Variants in LSAMP observed in about 807,000 individuals in gnomAD.
LSAMP encodes the protein limbic system-associated membrane protein.
Under a neutral mutation model 38.6 loss-of-function variants are expected in LSAMP, and 7 were observed. That is an observed-to-expected ratio of 0.18 (90% CI 0.10 to 0.34). The LOEUF is 0.34. Ranked by LOEUF, LSAMP falls within the 10% of genes least tolerant of loss-of-function variation. The pLI is 1.00. For synonymous variants in LSAMP, 154 were observed against 166.8 expected (o/e 0.92, Z 0.59); for missense variants, 313 against 420.0 (o/e 0.75, Z 2.23).
intron 1 of LSAMP, among the ~76,000 whole-genome samples, chr3:116,198,358 G>A (rs939619961): frequency 2.0e-5 from 3 of 152,186 alleles, no homozygotes; most frequent in Non-Finnish European, 4.4e-5. Flanking sequence ...ACAGTTTCAA[G>A]TGTTAGTGAG....
intron 1 of LSAMP, among the ~76,000 whole-genome samples, chr3:116,301,922 G>A (rs531012652): frequency 1.3e-5 from 2 of 152,278 alleles, no homozygotes; most frequent in East Asian, 3.9e-4. Flanking sequence ...CAGCTGTGTG[G>A]ACGTGGTAAA....
At chr3:116,307,231 A>G (rs902151152) in intron 1 of LSAMP, among the ~76,000 whole-genome samples, 1 of 152,044 alleles carries the variant, frequency 6.6e-6, no homozygotes, top group African/African-American at 2.4e-5. Context: ...AAATGGACAG[A>G]ACACTATAAT....
chr3:116,066,284 A>C (rs1198364101), intron 2 of LSAMP, among the ~76,000 whole-genome samples: 2 of 152,186 alleles, frequency 1.3e-5, no homozygotes, highest in Non-Finnish European at 2.9e-5. Context: ...ACATTTCCAA[A>C]TAGTATCACA....
chr3:115,882,805 A>G (rs1306832815), intron 3 of LSAMP, among the ~76,000 whole-genome samples: 1 of 151,964 alleles, frequency 6.6e-6, no homozygotes, highest in Admixed American at 6.6e-5. Context: ...TTGGACTCCT[A>G]TACCTGTTTT....
chr3:116,191,554 C>G (rs750249996), intron 1 of LSAMP, among the ~76,000 whole-genome samples: 6 of 151,942 alleles, frequency 3.9e-5, no homozygotes, highest in Non-Finnish European at 5.9e-5. Flanking sequence ...GCTGAGGATT[C>G]CAGTCAACTT....
intron 1 of LSAMP, among the ~76,000 whole-genome samples, chr3:116,416,137 G>C (rs1050681901): frequency 5.9e-5 from 9 of 152,056 alleles, no homozygotes; most frequent in Non-Finnish European, 1.2e-4. Context: ...AAATGGTTCC[G>C]GGCCATTTGC....
intron 3 of LSAMP, among the ~76,000 whole-genome samples, chr3:115,887,897 T>C (rs1936496065): frequency 6.6e-6 from 1 of 151,930 alleles, no homozygotes; most frequent in African/African-American, 2.4e-5. Flanking sequence ...TTGATATGTC[T>C]GAAGTAATAT....
At chr3:116,209,738 T>A (rs1216448101) in intron 1 of LSAMP, among the ~76,000 whole-genome samples, 2 of 151,926 alleles carry the variant, frequency 1.3e-5, no homozygotes, top group African/African-American at 2.4e-5. Flanking sequence ...TTGGGATTTA[T>A]TTATTATTTA....
intron 1 of LSAMP, among the ~76,000 whole-genome samples, chr3:116,089,392 C>T (rs1708067484): frequency 6.6e-6 from 1 of 152,118 alleles, no homozygotes; most frequent in South Asian, 2.1e-4. Flanking sequence ...GAGTCTCGCT[C>T]CGTCGCCCAG....
chr3:116,443,320 A>T (rs1212132101), intron 1 of LSAMP, among the ~76,000 whole-genome samples: 1 of 152,226 alleles, frequency 6.6e-6, no homozygotes, highest in Non-Finnish European at 1.5e-5. Flanking sequence ...GCAGGTTTAT[A>T]AGGCTGAAGA....
At chr3:115,928,403 T>A (rs1937524894) in intron 3 of LSAMP, among the ~76,000 whole-genome samples, 1 of 152,226 alleles carries the variant, frequency 6.6e-6, no homozygotes, top group South Asian at 2.1e-4. Context: ...ACAATGTGGA[T>A]ATGAAGAGAA....
At chr3:116,221,150 C>CAGAAAAA (rs537952028) in intron 1 of LSAMP, among the ~76,000 whole-genome samples, 2 of 53,184 alleles carry the variant, frequency 3.8e-5, no homozygotes, top group Non-Finnish European at 6.4e-5. Flanking sequence ...GACTCTGTCT[C>CAGAAAAA]AAAAAAAAAA....
At position 116,103,365 on chromosome 3, in the gene LSAMP, T is replaced by C. The variant is rs1708389352; in HGVS notation, c.156-16809A>G. On this transcript the variant is annotated intron_variant, in intron 1 of 6. Coordinates refer to ENST00000490035, the MANE Select transcript of LSAMP (RefSeq NM_002338.5). ...GATTATAGTCCCTGATACTTAGAGATTGAGATACAGAATCGCTTGAACCTG... is the reference window on the plus strand; with the variant it reads ...GATTATAGTCCCTGATACTTAGAGACTGAGATACAGAATCGCTTGAACCTG... 2.0e-5 allele frequency among the ~76,000 whole-genome samples: 3 copies of C among 150,328 alleles called. No individual in the cohort carries two copies. In the Admixed American group the frequency reaches 2.0e-4, roughly 10 times the overall value.
chr3:116,175,449 C>T (rs568728060), intron 1 of LSAMP, among the ~76,000 whole-genome samples: 4 of 152,054 alleles, frequency 2.6e-5, no homozygotes, highest in African/African-American at 4.8e-5. Flanking sequence ...TAACTATAGT[C>T]GTCCTACAAT....
intron 3 of LSAMP, among the ~76,000 whole-genome samples, chr3:115,880,365 A>AT (rs1340943393): frequency 1.5e-4 from 23 of 152,060 alleles, no homozygotes; most frequent in African/African-American, 5.3e-4. Context: ...ATATTGTTCC[A>AT]TTTTTCCTTT....
intron 1 of LSAMP, among the ~76,000 whole-genome samples, chr3:116,326,491 G>A (rs1474164306): frequency 6.6e-6 from 1 of 152,056 alleles, no homozygotes; most frequent in Non-Finnish European, 1.5e-5. Flanking sequence ...TGACACTAGA[G>A]TGCAATGCAG....
At chr3:116,143,251 T>A (rs928547132) in intron 1 of LSAMP, among the ~76,000 whole-genome samples, 5 of 151,852 alleles carry the variant, frequency 3.3e-5, no homozygotes, top group Non-Finnish European at 5.9e-5. Context: ...TTTCATCATG[T>A]ATCAGTTTTG....
rs369374795 is a variant in LSAMP at position 115,948,026 on chromosome 3, G to T, written c.514+71489C>A. The stretch of plus-strand genomic sequence containing the variant: ...CTTTGATTGAGCTATGCAGAAAGGT[G>T]ATAATCTTATTACCCTAGCATGAGA... On this transcript the variant is annotated intron_variant, in intron 3 of 6. Transcript: ENST00000490035. 2.0e-5 allele frequency among the ~76,000 whole-genome samples: 3 copies of T among 152,300 alleles called. No individual in the cohort carries two copies. The East Asian group carries it at 5.8e-4, about 29-fold the overall frequency.
chr3:116,233,736 TGAA>T (rs2046432261), intron 1 of LSAMP, among the ~76,000 whole-genome samples: 1 of 152,052 alleles, frequency 6.6e-6, no homozygotes, highest in Admixed American at 6.6e-5. Flanking sequence ...AAGATGGCCT[TGAA>T]GTAATGAAGC....
Sources: gnomAD v4.1 joint callset for allele counts (sites outside exome capture counted in the v4.1 genomes callset) on GRCh38, gnomAD v4.1.1 for gene constraint, MANE v1.5 for transcripts, NCBI Gene and HGNC (gene_info 2026-07-23, HGNC 2026-07-21) for gene names.